The following ADGRB3 variants were observed in gnomAD, a reference collection of about 807,000 sequenced individuals.
The protein encoded by ADGRB3 is adhesion G protein-coupled receptor B3, also known as brain-specific angiogenesis inhibitor 3.
Under a neutral mutation model 193.4 loss-of-function variants are expected in ADGRB3, and 37 were observed. That is an observed-to-expected ratio of 0.19 (90% CI 0.15 to 0.25). The LOEUF is 0.25. ADGRB3 is among the 10% of genes least tolerant of loss of function. ADGRB3 has a pLI of 1.00. For synonymous variants in ADGRB3, 690 were observed against 644.2 expected (o/e 1.07, Z -1.08); for missense variants, 1,637 against 1,852.9 (o/e 0.88, Z 2.14).
At chr6:69,034,844 A>G (rs144706729) in intron 13 of ADGRB3, among the ~76,000 whole-genome samples, 20 of 151,974 alleles carry the variant, frequency 1.3e-4, no homozygotes, top group Non-Finnish European at 2.2e-4. Context: ...GAGCATAACT[A>G]TATAAAGTGA....
At chr6:69,021,691 T>C (rs2150288827) in intron 13 of ADGRB3, among the ~76,000 whole-genome samples, 1 of 152,030 alleles carries the variant, frequency 6.6e-6, no homozygotes, top group African/African-American at 2.4e-5. Context: ...TTCATCAAGA[T>C]AAGAGTTCCT....
chr6:69,042,547 G>C (rs893064110), intron 13 of ADGRB3, among the ~76,000 whole-genome samples: 3 of 152,216 alleles, frequency 2.0e-5, no homozygotes, highest in Non-Finnish European at 4.4e-5. Flanking sequence ...TGCCAAGGGG[G>C]TAATGCTACA....
chr6:68,917,450 T>C (rs185871584), intron 3 of ADGRB3, among the ~76,000 whole-genome samples: 2 of 152,246 alleles, frequency 1.3e-5, no homozygotes, highest in South Asian at 4.1e-4. Flanking sequence ...TTCTTCTACA[T>C]GATAAGTTTC....
chr6:69,174,664 G>A (rs997886610), intron 17 of ADGRB3, among the ~76,000 whole-genome samples: 1 of 152,176 alleles, frequency 6.6e-6, no homozygotes, highest in Non-Finnish European at 1.5e-5. Flanking sequence ...AGTTCTCAGA[G>A]AAATCTGAAA....
chr6:69,385,703 G>A (rs1457478329), intron 31 of ADGRB3, among the ~76,000 whole-genome samples: 6 of 152,124 alleles, frequency 3.9e-5, no homozygotes. Context: ...CACTAACTTC[G>A]AAGTTTTTAT....
intron 3 of ADGRB3, among the ~76,000 whole-genome samples, chr6:68,774,979 G>C (rs1211072473): frequency 6.6e-6 from 1 of 151,922 alleles, no homozygotes; most frequent in Non-Finnish European, 1.5e-5. Context: ...ATTTTATTGA[G>C]GCAAAAGGCA....
intron 5 of ADGRB3, among the ~76,000 whole-genome samples, chr6:68,940,006 A>G (rs1437679065): frequency 6.6e-6 from 1 of 152,238 alleles, no homozygotes; most frequent in Non-Finnish European, 1.5e-5. Context: ...CAATAGTGTT[A>G]TAAATTAGTG....
At chr6:68,775,145 T>TTAAAAAAA (rs1554191997) in intron 3 of ADGRB3, among the ~76,000 whole-genome samples, 1 of 115,668 alleles carries the variant, frequency 8.6e-6, no homozygotes, top group African/African-American at 3.5e-5. Flanking sequence ...AGCTGCTTGT[T>TTAAAAAAA]AAAAAAAAAA....
At chr6:69,212,568 CT>C (rs146698992) in intron 17 of ADGRB3, among the ~76,000 whole-genome samples, 352 of 151,916 alleles carry the variant, frequency 2.3e-3, no homozygotes, top group African/African-American at 8.0e-3. Context: ...GAAACATGAC[CT>C]TTTCTTTTAT....
At chr6:69,057,183 T>A (rs1255345835) in intron 15 of ADGRB3, among the ~76,000 whole-genome samples, 1 of 152,092 alleles carries the variant, frequency 6.6e-6, no homozygotes, top group Non-Finnish European at 1.5e-5. Flanking sequence ...ATTAATTTCC[T>A]TTTAGATTGT....
chr6:68,718,972 A>C (rs891150203), intron 3 of ADGRB3, among the ~76,000 whole-genome samples: 2 of 151,746 alleles, frequency 1.3e-5, no homozygotes, highest in African/African-American at 4.8e-5. Context: ...AATATTTACC[A>C]TCTGGTTCTT....
intron 17 of ADGRB3, among the ~76,000 whole-genome samples, chr6:69,098,303 A>G (rs1422927770): frequency 6.6e-6 from 1 of 152,188 alleles, no homozygotes; most frequent in East Asian, 1.9e-4. Context: ...TTGGGACTCT[A>G]TGAAAACAGA....
chr6:69,257,141 CA>C (rs1382079208), intron 20 of ADGRB3, among the ~76,000 whole-genome samples: 1 of 152,136 alleles, frequency 6.6e-6, no homozygotes, highest in Non-Finnish European at 1.5e-5. Context: ...CAATGTTCAT[CA>C]AGGATATTGG....
intron 16 of ADGRB3, among the ~76,000 whole-genome samples, chr6:69,074,537 C>CTTT (rs956596624): frequency 5.2e-5 from 6 of 115,886 alleles, no homozygotes; most frequent in African/African-American, 9.7e-5. Flanking sequence ...CAGGACTGTA[C>CTTT]TTTTTTTTTT....
At chr6:69,031,557 T>TTCTTTCTTTCTTTCTTTCTTTCTTTCTC (rs1562129445) in intron 13 of ADGRB3, among the ~76,000 whole-genome samples, 1 of 129,084 alleles carries the variant, frequency 7.7e-6, no homozygotes. Flanking sequence ...TTCTTTTTCT[T>TTCTTTCTTTCTTTCTTTCTTTCTTTCTC]TCTTTCTTTT....
chr6:69,249,054 T>C (rs1233841029), intron 20 of ADGRB3, among the ~76,000 whole-genome samples: 2 of 152,222 alleles, frequency 1.3e-5, no homozygotes. Flanking sequence ...CTTGGCTCAC[T>C]GAAACCTCCG....
intron 20 of ADGRB3, among the ~76,000 whole-genome samples, chr6:69,289,962 T>C (rs548203948): frequency 2.0e-5 from 3 of 152,114 alleles, no homozygotes; most frequent in African/African-American, 4.8e-5. Context: ...GAAAGGAGGA[T>C]TGGATACCCA....
intron 13 of ADGRB3, among the ~76,000 whole-genome samples, chr6:69,027,572 A>G (rs2150291332): frequency 6.6e-6 from 1 of 152,358 alleles, no homozygotes; most frequent in Middle Eastern, 3.4e-3. Flanking sequence ...ACAGGTGACC[A>G]AAACATCATG....
At chr6:69,232,612 G>A (rs1366455460) in intron 17 of ADGRB3, 2 of 1,535,552 alleles carry the variant, frequency 1.3e-6, no homozygotes, top group African/African-American at 2.7e-5. Flanking sequence ...TGAGTGAAGT[G>A]TGGAGTAGGA....
Sources: gnomAD v4.1 joint callset for allele counts (sites outside exome capture counted in the v4.1 genomes callset) on GRCh38, gnomAD v4.1.1 for gene constraint, MANE v1.5 for transcripts, NCBI Gene and HGNC (gene_info 2026-07-23, HGNC 2026-07-21) for gene names.